Variants in NRXN1 observed in about 807,000 individuals in gnomAD.
NRXN1 encodes neurexin 1, also known as neurexin-1.
Under a neutral mutation model 150.9 loss-of-function variants are expected in NRXN1, and 39 were observed. That is an observed-to-expected ratio of 0.26 (90% CI 0.20 to 0.34). The LOEUF is 0.34. Among genes scored for constraint, NRXN1 ranks in the 10% least tolerant of loss-of-function variants. NRXN1 has a pLI of 1.00. For synonymous variants in NRXN1, 924 were observed against 757.0 expected, an observed-to-expected ratio of 1.22 and a Z score of -3.62; for missense variants, 1,815 against 1,949.9, an observed-to-expected ratio of 0.93 and a Z score of 1.30.
chr2:50,042,331 A>G (rs1016137246), intron 21 of NRXN1, among the ~76,000 whole-genome samples: 3 of 152,136 alleles, frequency 2.0e-5, no homozygotes, highest in East Asian at 1.9e-4. Context: ...GGTTTCCCCC[A>G]TGCTATTCTC....
chr2:50,970,070 T>C (rs1471747123), intron 2 of NRXN1, among the ~76,000 whole-genome samples: 1 of 152,172 alleles, frequency 6.6e-6, no homozygotes, highest in Non-Finnish European at 1.5e-5. Flanking sequence ...TGACCCCTTC[T>C]GGAATGGGAG....
At chr2:50,865,162 C>CAGACAGGTGAAACGACAGA (rs1676705009) in intron 5 of NRXN1, among the ~76,000 whole-genome samples, 1 of 151,784 alleles carries the variant, frequency 6.6e-6, no homozygotes. Context: ...CTAGGGTCTA[C>CAGACAGGTGAAACGACAGA]AGACAGGTGA....
At chr2:49,945,081 G>A (rs139722130) in intron 21 of NRXN1, 74 of 152,262 alleles carry the variant, frequency 4.9e-4, no homozygotes, top group African/African-American at 1.7e-3. Context: ...AGATGCGAAT[G>A]CTTTACAATA....
At chr2:50,828,119 G>T (rs1158973303) in intron 5 of NRXN1, among the ~76,000 whole-genome samples, 3 of 151,942 alleles carry the variant, frequency 2.0e-5, no homozygotes, top group Middle Eastern at 3.4e-3. Flanking sequence ...TGAGCTGTTG[G>T]GTACCCCTCC....
chr2:50,566,225 G>C (rs1214419396), intron 8 of NRXN1, among the ~76,000 whole-genome samples: 1 of 151,904 alleles, frequency 6.6e-6, no homozygotes, highest in African/African-American at 2.4e-5. Flanking sequence ...CCTTTGATTA[G>C]CTTCTACGTT....
chr2:50,485,925 G>A (rs896071160), intron 15 of NRXN1, among the ~76,000 whole-genome samples: 8 of 152,204 alleles, frequency 5.3e-5, no homozygotes, highest in African/African-American at 1.9e-4. Flanking sequence ...TTGCCCTACT[G>A]CCAGTGACTG....
intron 5 of NRXN1, among the ~76,000 whole-genome samples, chr2:50,681,737 T>A (rs1237002655): frequency 6.6e-6 from 1 of 152,210 alleles, no homozygotes; most frequent in East Asian, 1.9e-4. Context: ...TTGATACTAA[T>A]AAATATACTG....
At position 50,764,429 on chromosome 2, in the gene NRXN1, T is replaced by A. The variant is rs2105405649; in HGVS notation, c.833-140814A>T. Among the ~76,000 whole-genome samples, 2 of 152,158 alleles carry A rather than the reference T, an allele frequency of 1.3e-5. 1 individual carries two copies. Among genetic ancestry groups the A allele is most frequent in the South Asian group, 4.1e-4 (2 of 4,824 alleles). On this transcript the variant is annotated intron_variant, in intron 5 of 22. Transcript: ENST00000401669. ...TTCTTGTTAGAGGCCAGTCATCCCT[T>A]AGCAACTGACTATTTCAGCTCTGGC...
chr2:50,150,010 T>C (rs530971431), intron 18 of NRXN1, among the ~76,000 whole-genome samples: 1 of 151,756 alleles, frequency 6.6e-6, no homozygotes, highest in Admixed American at 6.6e-5. Flanking sequence ...TTAAATTTGG[T>C]CCAAGACTTG....
chr2:50,795,427 A>C (rs1706677053), intron 5 of NRXN1, among the ~76,000 whole-genome samples: 1 of 152,090 alleles, frequency 6.6e-6, no homozygotes, highest in Non-Finnish European at 1.5e-5. Flanking sequence ...CTCTGTGCTC[A>C]TCAGTTAAAC....
At chr2:50,640,343 A>C (rs1289963417) in intron 5 of NRXN1, among the ~76,000 whole-genome samples, 1 of 152,144 alleles carries the variant, frequency 6.6e-6, no homozygotes, top group Non-Finnish European at 1.5e-5. Context: ...TAATAATATC[A>C]CAAAACCTTA....
At chr2:51,019,894 T>C (rs1669321556) in intron 2 of NRXN1, among the ~76,000 whole-genome samples, 1 of 152,050 alleles carries the variant, frequency 6.6e-6, no homozygotes, top group Non-Finnish European at 1.5e-5. Context: ...CATAAATAGG[T>C]CTGCTCTCTG....
intron 18 of NRXN1, among the ~76,000 whole-genome samples, chr2:50,177,978 T>C (rs2060457995): frequency 6.6e-6 from 1 of 152,060 alleles, no homozygotes; most frequent in Non-Finnish European, 1.5e-5. Flanking sequence ...AGTCCTATGA[T>C]GGATTTCAGA....
At chr2:50,360,781 A>G (rs1430774700) in intron 17 of NRXN1, among the ~76,000 whole-genome samples, 5 of 152,104 alleles carry the variant, frequency 3.3e-5, no homozygotes, top group Non-Finnish European at 5.9e-5. Context: ...CATCTCCAGA[A>G]CTCTCCACCC....
At position 50,091,473 on chromosome 2, in the gene NRXN1, T is replaced by G; in HGVS notation, c.3568A>C (p.Lys1190Gln). The part of the protein sequence containing the change: ...LHIHQGKIGV[K>Q]FNVGTDDIAI... ...ATGTCATCTGTCCCAACATTAAACTTAACTCCAATTTTTCCCTGGTGCTGT... is the reference window on the plus strand; with the variant it reads ...ATGTCATCTGTCCCAACATTAAACTGAACTCCAATTTTTCCCTGGTGCTGT... The change falls in exon 19 of 23, where the codon AAG becomes CAG. Residue 1190 changes from lysine to glutamine, a missense_variant. Physicochemically the swap from Lys to Gln is moderately conservative, Grantham distance 53. Transcript: ENST00000401669. The G allele has an allele frequency of 1.2e-6, 2 of 1,614,184 alleles. No individual in the cohort carries two copies. The highest frequency in any genetic ancestry group is 1.1e-5 in the South Asian group (1 of 91,088).
chr2:50,179,049 G>C (rs1286323928), intron 18 of NRXN1, among the ~76,000 whole-genome samples: 2 of 152,126 alleles, frequency 1.3e-5, no homozygotes, highest in Non-Finnish European at 2.9e-5. Flanking sequence ...AGGTGTCTTA[G>C]TTCAAAGGAG....
intron 18 of NRXN1, among the ~76,000 whole-genome samples, chr2:50,160,784 A>G (rs78292741): frequency 1.3e-5 from 2 of 152,284 alleles, no homozygotes; most frequent in East Asian, 3.9e-4. Context: ...TTGCAATAAA[A>G]TAAGTCAGCA....
At chr2:50,877,259 A>AT (rs1449313010) in intron 5 of NRXN1, among the ~76,000 whole-genome samples, 1 of 151,736 alleles carries the variant, frequency 6.6e-6, no homozygotes, top group Non-Finnish European at 1.5e-5. Context: ...TTTGCAGTTT[A>AT]TTTTTTCTAT....
chr2:50,249,400 AC>A (rs2152896177), intron 17 of NRXN1, among the ~76,000 whole-genome samples: 1 of 152,260 alleles, frequency 6.6e-6, no homozygotes. Context: ...AAACAAATCA[AC>A]AAAAAACAAT....
Sources: gnomAD v4.1 joint callset for allele counts (sites outside exome capture counted in the v4.1 genomes callset) on GRCh38, gnomAD v4.1.1 for gene constraint, MANE v1.5 for transcripts, NCBI Gene and HGNC (gene_info 2026-07-23, HGNC 2026-07-21) for gene names.